SHANK2: variants seen among roughly 807,000 people sequenced by gnomAD.
The protein encoded by SHANK2 is SH3 and multiple ankyrin repeat domains protein 2.
In SHANK2, 43 loss-of-function variants were observed where a neutral mutation model predicts 133.7. The ratio of observed to expected loss-of-function variants is 0.32; its 90% confidence interval spans 0.25 to 0.41. SHANK2 has a LOEUF of 0.41. Ranked by LOEUF, SHANK2 falls within the 10% of genes least tolerant of loss-of-function variation. SHANK2 has a pLI of 1.00. For missense variants in SHANK2, 1,994 were observed against 2,235.8 expected (o/e 0.89, Z 2.18); for synonymous variants, 1,017 against 952.8 (o/e 1.07, Z -1.24).
At chr11:70,561,284 A>G (rs1329101783) in intron 17 of SHANK2, among the ~76,000 whole-genome samples, 1 of 151,962 alleles carries the variant, frequency 6.6e-6, no homozygotes, top group African/African-American at 2.4e-5. Context: ...CTCTTGAGTA[A>G]CTGGGACTAC....
intron 17 of SHANK2, among the ~76,000 whole-genome samples, chr11:70,608,216 C>T: frequency 6.6e-6 from 1 of 152,178 alleles, no homozygotes; most frequent in Non-Finnish European, 1.5e-5. Flanking sequence ...CAAGCGATCT[C>T]CCTGCCTTGG....
intron 18 of SHANK2, 62 bp downstream of exon 18, chr11:70,502,734 C>CCGGGGG: frequency 1.5e-6 from 1 of 679,568 alleles, no homozygotes; most frequent in South Asian, 1.6e-5. Context: ...CTGTCCTGCC[C>CCGGGGG]GCCCCCACCC....
At chr11:71,249,191 C>T (rs3020032) in intron 1 of SHANK2, among the ~76,000 whole-genome samples, 10,946 of 152,120 alleles carry the variant, frequency 0.072, 1,096 homozygotes, top group African/African-American at 0.22. Flanking sequence ...TTCATTCTCC[C>T]GGTGCCCAGG....
chr11:71,098,367 G>A (rs1249363724), intron 6 of SHANK2, among the ~76,000 whole-genome samples: 1 of 152,196 alleles, frequency 6.6e-6, no homozygotes, highest in Non-Finnish European at 1.5e-5. Flanking sequence ...TCAGTGGGCT[G>A]CAAAAATCAA....
chr11:70,606,068 A>T (rs1355951259), intron 17 of SHANK2, among the ~76,000 whole-genome samples: 1 of 152,110 alleles, frequency 6.6e-6, no homozygotes, highest in Non-Finnish European at 1.5e-5. Flanking sequence ...GGGCTGCTTC[A>T]TGAGTGCTCT....
intron 2 of SHANK2, among the ~76,000 whole-genome samples, chr11:71,164,368 G>C (rs1472160716): frequency 6.6e-6 from 1 of 152,180 alleles, no homozygotes; most frequent in African/African-American, 2.4e-5. Context: ...CAGCAACCTA[G>C]GCCACTGCAG....
intron 9 of SHANK2, among the ~76,000 whole-genome samples, chr11:71,073,147 C>CTG (rs1951166667): frequency 1.6e-5 from 1 of 62,716 alleles, no homozygotes; most frequent in African/African-American, 4.2e-5. Context: ...TTTTTCTTTT[C>CTG]TTTTTTTTCT....
At chr11:70,752,484 C>T (rs555811190) in intron 14 of SHANK2, among the ~76,000 whole-genome samples, 4 of 152,102 alleles carry the variant, frequency 2.6e-5, no homozygotes, top group Admixed American at 1.3e-4. Context: ...TTTGGGAGGC[C>T]GAGGCAGACG....
chr11:70,675,735 G>C (rs977810699), intron 15 of SHANK2, among the ~76,000 whole-genome samples: 4 of 152,182 alleles, frequency 2.6e-5, no homozygotes, highest in Admixed American at 2.6e-4. Context: ...AGGAGATCCT[G>C]CTCTGTATCA....
Position 71,090,625 on chromosome 11 carries a change from CTGTGTG to C in SHANK2, c.912+1791_912+1796del, listed in dbSNP as rs782587800. On this transcript the variant is annotated intron_variant, in intron 8 of 25. Transcript: ENST00000601538. ...AGGGTTCTCCAGAGAAACACAACCT[CTGTGTG>C]TGTGTGTGTGTGTGTGTGTGTGTGT... is the stretch of plus-strand genomic sequence containing the variant. Among the ~76,000 whole-genome samples, 513 of 102,918 alleles carry C rather than the reference CTGTGTG, an allele frequency of 5.0e-3. 2 individuals are homozygous for C. Among genetic ancestry groups the C allele is most frequent in the African/African-American group, 0.014 (413 of 28,994 alleles). The allele number at this position is 102,918 out of a possible 152,430, so 67.5% of individuals were successfully genotyped here.
At chr11:70,839,125 A>G (rs1948865803) in intron 11 of SHANK2, among the ~76,000 whole-genome samples, 1 of 152,226 alleles carries the variant, frequency 6.6e-6, no homozygotes, top group Admixed American at 6.5e-5. Context: ...TCATCAATAC[A>G]TTTATAATTA....
chr11:70,877,602 G>C (rs1450760538), intron 11 of SHANK2, among the ~76,000 whole-genome samples: 1 of 152,116 alleles, frequency 6.6e-6, no homozygotes, highest in African/African-American at 2.4e-5. Context: ...GACTCCCCAG[G>C]ACTCTACCAA....
chr11:71,086,368 T>G lies in SHANK2; in HGVS notation c.912+6054A>C, dbSNP rs1169730384. Among the ~76,000 whole-genome samples, 9 of 128,460 alleles carry G rather than the reference T, an allele frequency of 7.0e-5. 1 individual carries two copies. 84.3% of individuals were successfully genotyped at this position (128,460 alleles called of 152,430 possible). ...GATATAGTATATGTTATATTATATA[T>G]GATATACATTTATAATATATGATAT... On this transcript the variant is annotated intron_variant, in intron 8 of 25. Coordinates refer to ENST00000601538, the MANE Select transcript of SHANK2 (RefSeq NM_012309.5).
At chr11:71,148,421 A>G (rs1385054507) in intron 2 of SHANK2, among the ~76,000 whole-genome samples, 1 of 152,188 alleles carries the variant, frequency 6.6e-6, no homozygotes, top group Non-Finnish European at 1.5e-5. Context: ...AACTCTGGGA[A>G]CAGCCATCCA....
intron 14 of SHANK2, among the ~76,000 whole-genome samples, chr11:70,711,569 G>C (rs1292814972): frequency 6.6e-6 from 1 of 152,230 alleles, no homozygotes; most frequent in East Asian, 1.9e-4. Flanking sequence ...GAGTGTGCGG[G>C]GCTTGGAGCC....
At chr11:70,554,472 T>G (rs2059804910) in intron 17 of SHANK2, among the ~76,000 whole-genome samples, 1 of 151,408 alleles carries the variant, frequency 6.6e-6, no homozygotes, top group African/African-American at 2.4e-5. Flanking sequence ...TAACAAAGAC[T>G]TTATATTTTG....
At chr11:70,662,500 C>A (rs1555013769) in intron 15 of SHANK2, among the ~76,000 whole-genome samples, 1 of 152,106 alleles carries the variant, frequency 6.6e-6, no homozygotes, top group African/African-American at 2.4e-5. Context: ...GGAAGGTGGC[C>A]GGTGGCCGGT....
At chr11:70,808,109 A>G (rs1555052425) in intron 12 of SHANK2, among the ~76,000 whole-genome samples, 1 of 152,206 alleles carries the variant, frequency 6.6e-6, no homozygotes, top group Non-Finnish European at 1.5e-5. Context: ...CAGCACTCGA[A>G]TGTATTCCAC....
At chr11:71,151,284 T>C (rs535743350) in intron 2 of SHANK2, among the ~76,000 whole-genome samples, 39 of 152,048 alleles carry the variant, frequency 2.6e-4, no homozygotes, top group Admixed American at 7.9e-4. Context: ...ACCAACACTA[T>C]GTCCAATTAG....
Sources: allele counts gnomAD v4.1 joint callset (sites outside exome capture counted in the v4.1 genomes callset), GRCh38; gene constraint gnomAD v4.1.1; transcripts MANE v1.5; gene names NCBI Gene and HGNC (gene_info 2026-07-23, HGNC 2026-07-21).